TBC1D4: variants seen among roughly 807,000 people sequenced by gnomAD.
TBC1D4 encodes TBC (Tre-2, BUB2, CDC16) domain-containing protein.
Under a neutral mutation model 142.5 loss-of-function variants are expected in TBC1D4, and 121 were observed. The observed-to-expected ratio is 0.85, with a 90% CI of 0.73 to 0.99. TBC1D4 has a LOEUF of 0.99. Ranked by LOEUF, TBC1D4 falls within the 50% of genes least tolerant of loss-of-function variation. The pLI, the probability that TBC1D4 is intolerant of heterozygous loss-of-function variation, is 0.00. For synonymous variants in TBC1D4, 630 were observed against 628.2 expected (o/e 1.00, Z -0.04); for missense variants, 1,475 against 1,606.6 (o/e 0.92, Z 1.40).
chr13:75,347,031 A>G (rs1003963501), intron 5 of TBC1D4, among the ~76,000 whole-genome samples: 2 of 152,164 alleles, frequency 1.3e-5, no homozygotes, highest in Admixed American at 6.5e-5. Context: ...TACTTACATA[A>G]AAGTTTTTCT....
chr13:75,410,122 A>C (rs1885565037), intron 1 of TBC1D4, among the ~76,000 whole-genome samples: 3 of 152,346 alleles, frequency 2.0e-5, no homozygotes, highest in Middle Eastern at 3.4e-3. Context: ...AATGTACGTA[A>C]ATAACGGTGT....
chr13:75,298,293 TC>T (rs1334215005), intron 17 of TBC1D4, among the ~76,000 whole-genome samples: 2 of 152,170 alleles, frequency 1.3e-5, no homozygotes, highest in African/African-American at 4.8e-5. Context: ...TGTTTAAGTA[TC>T]TATAGACAAA....
chr13:75,390,622 A>C (rs1039745424), intron 1 of TBC1D4, among the ~76,000 whole-genome samples: 9 of 152,126 alleles, frequency 5.9e-5, no homozygotes, highest in Non-Finnish European at 1.2e-4. Context: ...CTGCCTTGCT[A>C]ACAGTAATTC....
Position 75,299,455 on chromosome 13 carries a change from T to A in TBC1D4, c.3031A>T (p.Ile1011Phe), listed in dbSNP as rs1876291637. 1.2e-5 allele frequency: 19 copies of A among 1,614,110 alleles called. No homozygotes were observed. The East Asian group carries it at 4.2e-4, about 36-fold the overall frequency. The change falls in exon 17 of 21, where the codon ATC becomes TTC. Residue 1011 changes from isoleucine (I) to phenylalanine (F), a missense_variant. This residue lies in a region of TBC1D4 where 248 missense variants were observed against 338.9 expected (regional missense o/e 0.73). Coordinates refer to ENST00000377636, the MANE Select transcript of TBC1D4 (RefSeq NM_014832.5). The stretch of plus-strand genomic sequence containing the variant: ...AGCAGGACTCCAGCCACAAAGCTGA[T>A]CCCCTGACAGTATCCCACTTCTTTG... ...LDKEVGYCQGISFVAGVLLLH... is the reference protein window; with the variant it reads ...LDKEVGYCQGFSFVAGVLLLH...
chr13:75,352,433 T>A (rs537347749), intron 4 of TBC1D4, among the ~76,000 whole-genome samples: 45 of 152,262 alleles, frequency 3.0e-4, no homozygotes, highest in Admixed American at 1.2e-3. Context: ...AATATTTTGG[T>A]CTGCATCTGT....
intron 1 of TBC1D4, among the ~76,000 whole-genome samples, chr13:75,446,175 A>C (rs1282218885): frequency 1.3e-5 from 2 of 152,212 alleles, no homozygotes; most frequent in Non-Finnish European, 2.9e-5. Context: ...AGAAGAATGT[A>C]ATATGATTGT....
chr13:75,397,741 T>C (rs1884869128), intron 1 of TBC1D4, among the ~76,000 whole-genome samples: 2 of 152,212 alleles, frequency 1.3e-5, no homozygotes, highest in Non-Finnish European at 2.9e-5. Flanking sequence ...GGGAATAGTA[T>C]CATAATCTAC....
At chr13:75,365,552 A>C (rs966913231) in intron 1 of TBC1D4, among the ~76,000 whole-genome samples, 1 of 152,206 alleles carries the variant, frequency 6.6e-6, no homozygotes. Context: ...AAGAGAAATA[A>C]AATTTCTATC....
Position 75,481,636 on chromosome 13 carries a change from C to G in TBC1D4, c.132G>C (p.Ser44=), listed in dbSNP as rs1214696913. ...KRFRLWYVGG[S]CLDHRTTLPM... ...GCAGCGTGGTCCTGTGGTCCAGGCACGACCCCCCAACGTACCACAGCCGGA... is the reference window on the plus strand; with the variant it reads ...GCAGCGTGGTCCTGTGGTCCAGGCAGGACCCCCCAACGTACCACAGCCGGA... The change falls in exon 1 of 21, where the codon TCG becomes TCC. Residue 44 remains serine (S), a synonymous_variant. Transcript: ENST00000377636. The G allele has an allele frequency of 2.9e-5, 46 of 1,606,532 alleles. No homozygotes were observed. The highest frequency in any genetic ancestry group is 3.8e-5 in the Non-Finnish European group (45 of 1,176,668).
chr13:75,399,142 A>C (rs1178247383), intron 1 of TBC1D4, among the ~76,000 whole-genome samples: 1 of 152,202 alleles, frequency 6.6e-6, no homozygotes, highest in African/African-American at 2.4e-5. Flanking sequence ...GAGATCAAGA[A>C]TAAATGAAAT....
intron 12 of TBC1D4, among the ~76,000 whole-genome samples, chr13:75,315,314 C>T (rs1356566328): frequency 1.4e-5 from 2 of 146,648 alleles, no homozygotes; most frequent in African/African-American, 5.0e-5. Flanking sequence ...TCCCAAAAAA[C>T]AAAACAAAAC....
At chr13:75,294,786 G>A in intron 18 of TBC1D4, 68 bp downstream of exon 18, 1 of 1,546,916 alleles carries the variant, frequency 6.5e-7, no homozygotes, top group South Asian at 1.1e-5. Context: ...GGCATCATAT[G>A]GCTAGAAGTA....
At chr13:75,309,826 A>C (rs1877557138) in intron 14 of TBC1D4, 116 bp downstream of exon 14, 3 of 953,618 alleles carry the variant, frequency 3.1e-6, no homozygotes, top group Admixed American at 2.1e-5. Context: ...TTCTTCTTAA[A>C]GTGTGCATAC....
intron 3 of TBC1D4, among the ~76,000 whole-genome samples, chr13:75,358,843 G>C (rs1278340407): frequency 6.6e-6 from 1 of 152,082 alleles, no homozygotes; most frequent in Non-Finnish European, 1.5e-5. Context: ...CAGCCTGGAT[G>C]ACAGAGGAAG....
At chr13:75,459,029 G>A (rs534609070) in intron 1 of TBC1D4, among the ~76,000 whole-genome samples, 1 of 152,058 alleles carries the variant, frequency 6.6e-6, no homozygotes, top group South Asian at 2.1e-4. Flanking sequence ...TCGCAATCTG[G>A]CTCTACTGCA....
chr13:75,342,322 C>T (rs966024925), intron 5 of TBC1D4, among the ~76,000 whole-genome samples: 2 of 152,140 alleles, frequency 1.3e-5, no homozygotes, highest in African/African-American at 4.8e-5. Context: ...TAACCTAAGA[C>T]CTCACATGGA....
intron 1 of TBC1D4, among the ~76,000 whole-genome samples, chr13:75,377,718 T>A (rs1192833033): frequency 6.7e-6 from 1 of 149,024 alleles, no homozygotes; most frequent in Non-Finnish European, 1.5e-5. Flanking sequence ...ATATATATAT[T>A]TTCTGATTGG....
intron 1 of TBC1D4, among the ~76,000 whole-genome samples, chr13:75,401,909 C>T (rs1347493466): frequency 6.6e-6 from 1 of 152,180 alleles, no homozygotes; most frequent in Non-Finnish European, 1.5e-5. Flanking sequence ...AGAAAATGAA[C>T]ATTAAGCAGT....
At chr13:75,438,090 G>T (rs1001292210) in intron 1 of TBC1D4, among the ~76,000 whole-genome samples, 2 of 152,070 alleles carry the variant, frequency 1.3e-5, no homozygotes, top group Non-Finnish European at 2.9e-5. Context: ...TCCTCATTCT[G>T]CTATATCCAA....
Sources: gnomAD v4.1 joint callset for allele counts (sites outside exome capture counted in the v4.1 genomes callset) on GRCh38, gnomAD v4.1.1 for gene constraint, gnomAD v4.1.1 regional missense constraint, MANE v1.5 for transcripts, NCBI Gene and HGNC (gene_info 2026-07-23, HGNC 2026-07-21) for gene names.